The following CSMD1 variants were observed in gnomAD, a reference collection of about 807,000 sequenced individuals.
The protein encoded by CSMD1 is CUB and sushi domain-containing protein 1.
A neutral mutation model predicts 417.5 loss-of-function variants in CSMD1; 213 were observed. The observed-to-expected ratio is 0.51, with a 90% CI of 0.46 to 0.57. The LOEUF is 0.57. Among genes scored for constraint, CSMD1 ranks in the 20% least tolerant of loss-of-function variants. CSMD1 has a pLI of 0.00. For synonymous variants in CSMD1, 2,862 were observed against 1,736.8 expected (o/e 1.65, Z -16.11); for missense variants, 6,923 against 4,529.7 (o/e 1.53, Z -15.17).
intron 8 of CSMD1, 32 bp from the exon 9 acceptor site, chr8:3,586,292 A>G (rs748759589): frequency 2.0e-6 from 3 of 1,536,896 alleles, no homozygotes; most frequent in Non-Finnish European, 2.6e-6. Context: ...AAAAAAACCC[A>G]AATTATTTAC....
chr8:3,624,307 T>C (rs1183170972), intron 7 of CSMD1, among the ~76,000 whole-genome samples: 5 of 152,170 alleles, frequency 3.3e-5, no homozygotes, highest in Admixed American at 6.5e-5. Context: ...AGACTTTCCA[T>C]GGAGAATATA....
At chr8:4,311,803 G>T (rs552806086) in intron 3 of CSMD1, among the ~76,000 whole-genome samples, 98 of 151,788 alleles carry the variant, frequency 6.5e-4, no homozygotes, top group Non-Finnish European at 1.0e-3. Flanking sequence ...CACACACTAG[G>T]GCCTAGTGGA....
At chr8:4,734,544 G>T (rs1449407836) in intron 1 of CSMD1, among the ~76,000 whole-genome samples, 1 of 152,126 alleles carries the variant, frequency 6.6e-6, no homozygotes, top group African/African-American at 2.4e-5. Context: ...AACGTATTTG[G>T]TAGCGAAGTA....
At chr8:4,394,995 C>T (rs529602828) in intron 3 of CSMD1, among the ~76,000 whole-genome samples, 148 of 152,286 alleles carry the variant, frequency 9.7e-4, no homozygotes, top group South Asian at 1.2e-3. Context: ...GGAAGAGGCA[C>T]AGCAGAGGAG....
At chr8:4,172,220 C>CG (rs1488486381) in intron 3 of CSMD1, among the ~76,000 whole-genome samples, 1 of 151,950 alleles carries the variant, frequency 6.6e-6, no homozygotes, top group Non-Finnish European at 1.5e-5. Flanking sequence ...AACACTGGAC[C>CG]AAGAGAATAG....
chr8:3,191,250 T>G (rs898401281), intron 33 of CSMD1, among the ~76,000 whole-genome samples: 1 of 151,854 alleles, frequency 6.6e-6, no homozygotes, highest in African/African-American at 2.4e-5. Context: ...AGGTCGAGAG[T>G]TCGTTTATCA....
rs1809057841 is a variant in CSMD1, at chr8:3,018,506, A to G, written c.8000T>C (p.Leu2667Pro). Reference sequence around the variant, plus strand: ...ACATCGAGTTTCGCTGCCGCTCCAGAGCCCATTTGCCAAGCACTCTCTGAC... The same window carrying G: ...ACATCGAGTTTCGCTGCCGCTCCAGGGCCCATTTGCCAAGCACTCTCTGAC... ...SHVRECLANG[L>P]WSGSETRCLA... is the part of the protein sequence containing the mutation. The change falls in exon 52 of 70, where the codon CTC becomes CCC. Residue 2667 changes from leucine to proline, a missense_variant. By Grantham distance (98) the Leu-to-Pro change is moderately conservative (BLOSUM62 -3). Transcript: ENST00000635120. 6.2e-7 allele frequency: 1 copy of G among 1,613,804 alleles called. No individual in the cohort carries two copies. Among genetic ancestry groups the G allele is most frequent in the Non-Finnish European group, 8.5e-7 (1 of 1,179,818 alleles).
At chr8:4,243,990 C>G (rs530936032) in intron 3 of CSMD1, among the ~76,000 whole-genome samples, 12 of 152,320 alleles carry the variant, frequency 7.9e-5, no homozygotes, top group Non-Finnish European at 1.8e-4. Context: ...GGCAGAATTT[C>G]AGTCCCTGCC....
chr8:4,360,456 T>C (rs768104952), intron 3 of CSMD1, among the ~76,000 whole-genome samples: 1 of 152,174 alleles, frequency 6.6e-6, no homozygotes, highest in African/African-American at 2.4e-5. Context: ...AAGAGCCCGT[T>C]ATCATAACCT....
intron 2 of CSMD1, among the ~76,000 whole-genome samples, chr8:4,521,660 C>T (rs563889578): frequency 9.9e-5 from 15 of 152,122 alleles, no homozygotes; most frequent in Non-Finnish European, 2.2e-4. Flanking sequence ...GCCCTCAGGT[C>T]CTATTGCGAA....
At chr8:4,003,286 G>A (rs552123234) in intron 4 of CSMD1, among the ~76,000 whole-genome samples, 3 of 152,000 alleles carry the variant, frequency 2.0e-5, no homozygotes, top group African/African-American at 7.3e-5. Context: ...CCAGCTACTC[G>A]CGAGGCTGAG....
In CSMD1 at chr8:4,692,619, G is replaced by A. The variant is rs116443249; in HGVS notation, c.86-55061C>T. Among the ~76,000 whole-genome samples, 1,172 of 152,268 alleles carry A rather than the reference G, an allele frequency of 7.7e-3. 16 individuals carry two copies. Among genetic ancestry groups the A allele is most frequent in the African/African-American group, 0.026 (1,067 of 41,558 alleles). On this transcript the variant is annotated intron_variant, in intron 1 of 69. Transcript: ENST00000635120. Reference sequence around the variant, plus strand: ...AGGATTCTGCAGGCAAAGCCATGTGGGGTCCGTGAGGCTGCAGCAGACAAG... The same window carrying A: ...AGGATTCTGCAGGCAAAGCCATGTGAGGTCCGTGAGGCTGCAGCAGACAAG...
chr8:3,615,752 C>A (rs1045190345), intron 8 of CSMD1, among the ~76,000 whole-genome samples: 9 of 152,138 alleles, frequency 5.9e-5, no homozygotes, highest in African/African-American at 4.8e-5. Flanking sequence ...CTCTGTGAAC[C>A]TTTTTTTGGA....
rs114945644 is a variant in CSMD1 at position 4,246,315 on chromosome 8, C to T, written c.415+173638G>A. Among the ~76,000 whole-genome samples the T allele has an allele frequency of 2.4e-3, 367 of 152,200 alleles. 2 individuals carry two copies. The highest frequency in any genetic ancestry group is 8.6e-3 in the African/African-American group (356 of 41,534). ...TGGGTTAGTTTGCTTAGCATATTGGCCTCCACCTCCATCCACGTCCTTGCA... is the reference window on the plus strand; with the variant it reads ...TGGGTTAGTTTGCTTAGCATATTGGTCTCCACCTCCATCCACGTCCTTGCA... On this transcript the variant is annotated intron_variant, in intron 3 of 69. Coordinates refer to ENST00000635120, the MANE Select transcript of CSMD1 (RefSeq NM_033225.6).
At chr8:3,984,123 C>CTCTACAGCACACAGA (rs1482201262) in intron 5 of CSMD1, among the ~76,000 whole-genome samples, 6 of 151,926 alleles carry the variant, frequency 3.9e-5, no homozygotes, top group African/African-American at 1.4e-4. Flanking sequence ...GAGCACACAG[C>CTCTACAGCACACAGA]AGATCTGATG....
At chr8:3,633,388 T>A (rs542049621) in intron 7 of CSMD1, among the ~76,000 whole-genome samples, 1 of 152,178 alleles carries the variant, frequency 6.6e-6, no homozygotes, top group African/African-American at 2.4e-5. Flanking sequence ...ACTGACAAGT[T>A]TGCAAACTAG....
chr8:4,597,418 G>A (rs1384300095), intron 2 of CSMD1, among the ~76,000 whole-genome samples: 4 of 152,078 alleles, frequency 2.6e-5, no homozygotes, highest in Admixed American at 2.0e-4. Context: ...ATCCCCAAAT[G>A]TAAATTCACC....
chr8:4,526,715 CT>C (rs1796530423), intron 2 of CSMD1, among the ~76,000 whole-genome samples: 1 of 152,144 alleles, frequency 6.6e-6, no homozygotes, highest in South Asian at 2.1e-4. Flanking sequence ...ATTATCATTG[CT>C]TAAATTTGCT....
chr8:3,314,190 C>T (rs1464807006), intron 23 of CSMD1, among the ~76,000 whole-genome samples: 2 of 152,070 alleles, frequency 1.3e-5, no homozygotes, highest in African/African-American at 2.4e-5. Context: ...TTAATGGGTG[C>T]AGCACACCAA....
Sources: allele counts gnomAD v4.1 joint callset (sites outside exome capture counted in the v4.1 genomes callset), GRCh38; gene constraint gnomAD v4.1.1; transcripts MANE v1.5; gene names NCBI Gene and HGNC (gene_info 2026-07-23, HGNC 2026-07-21).